ERGIC1: variants seen among roughly 807,000 people sequenced by gnomAD.
The protein encoded by ERGIC1 is endoplasmic reticulum-Golgi intermediate compartment protein 1.
Under a neutral mutation model 38.3 loss-of-function variants are expected in ERGIC1, and 19 were observed. The observed-to-expected ratio is 0.50, with a 90% CI of 0.35 to 0.73. The LOEUF is 0.73. Ranked by LOEUF, ERGIC1 falls within the 30% of genes least tolerant of loss-of-function variation. The pLI, the probability that ERGIC1 is intolerant of heterozygous loss-of-function variation, is 0.01. For synonymous variants in ERGIC1, 124 were observed against 157.6 expected, an observed-to-expected ratio of 0.79 and a Z score of 1.60; for missense variants, 294 against 389.2, an observed-to-expected ratio of 0.76 and a Z score of 2.06.
chr5:172,855,362 A>G (rs1443759563), intron 1 of ERGIC1, among the ~76,000 whole-genome samples: 1 of 152,132 alleles, frequency 6.6e-6, no homozygotes, highest in Non-Finnish European at 1.5e-5. Context: ...TTCTGCTGAG[A>G]TGGTCTCGGG....
intron 8 of ERGIC1, chr5:172,934,839 A>G (rs1483941639): frequency 3.1e-6 from 1 of 318,938 alleles, no homozygotes; most frequent in Non-Finnish European, 6.2e-6. Flanking sequence ...TTGTTGAATA[A>G]ATGAATGGAT....
At chr5:172,875,682 C>T (rs1457700505) in intron 1 of ERGIC1, among the ~76,000 whole-genome samples, 2 of 152,150 alleles carry the variant, frequency 1.3e-5, no homozygotes, top group Non-Finnish European at 2.9e-5. Context: ...AAAGCTCAAA[C>T]TCCTGTGCTC....
At chr5:172,931,384 C>G (rs1763772194) in intron 7 of ERGIC1, among the ~76,000 whole-genome samples, 1 of 152,204 alleles carries the variant, frequency 6.6e-6, no homozygotes, top group South Asian at 2.1e-4. Context: ...TCCGTTCATT[C>G]ATTCAGTAAG....
At chr5:172,949,412 C>G (rs1764185452) in intron 9 of ERGIC1, among the ~76,000 whole-genome samples, 1 of 152,168 alleles carries the variant, frequency 6.6e-6, no homozygotes, top group African/African-American at 2.4e-5. Context: ...TAGGGTTGAG[C>G]TGGGGATTCA....
intron 1 of ERGIC1, among the ~76,000 whole-genome samples, chr5:172,865,847 A>G (rs1761847480): frequency 6.6e-6 from 1 of 151,960 alleles, no homozygotes; most frequent in African/African-American, 2.4e-5. Context: ...CTTATTTTTT[A>G]TTTCATAGAC....
rs892209041 is a variant in ERGIC1 at position 172,926,457 on chromosome 5, C to A, written c.481-52C>A. The A allele has an allele frequency of 2.5e-6, 4 of 1,606,074 alleles. No homozygotes were observed. Among genetic ancestry groups the A allele is most frequent in the Admixed American group, 1.7e-5 (1 of 59,970 alleles). On this transcript the variant is annotated intron_variant, in intron 6 of 9. Transcript: ENST00000393784. The surrounding 1 kb of genome is among the most constrained non-coding windows in gnomAD (Gnocchi z 5.2). ...GCCATCCCCCACAACCAGGGCCAGG[C>A]CTGGAGGTGGAGGTGTCCTGGGGAC...
rs70984920 is a variant in ERGIC1, at chr5:172,909,168, C to CTTTTTTTT, written c.156-488_156-481dup. Among the ~76,000 whole-genome samples the CTTTTTTTT allele has an allele frequency of 4.1e-4, 33 of 80,866 alleles. 6 individuals are homozygous for CTTTTTTTT. The highest frequency in any genetic ancestry group is 1.0e-3 in the South Asian group (2 of 1,952). The allele number at this position is 80,866 out of a possible 152,430, so 53.1% of individuals were successfully genotyped here. ...CTTTCCTGAGCCCCAGCCCTCCCCTCTTTTTTTTTTTTTTTTTTGAGACGG... is the reference window on the plus strand; with the variant it reads ...CTTTCCTGAGCCCCAGCCCTCCCCTCTTTTTTTTTTTTTTTTTTTTTTTTTTGAGACGG... On this transcript the variant is annotated intron_variant, in intron 3 of 9. Transcript: ENST00000393784.
chr5:172,886,778 G>A (rs755217835), intron 1 of ERGIC1, among the ~76,000 whole-genome samples: 11 of 152,230 alleles, frequency 7.2e-5, no homozygotes, highest in African/African-American at 2.2e-4. Flanking sequence ...GTTAAGTGAC[G>A]GTCCCAGGGT....
chr5:172,899,825 A>G (rs1762824858), intron 3 of ERGIC1, among the ~76,000 whole-genome samples: 1 of 152,252 alleles, frequency 6.6e-6, no homozygotes, highest in Admixed American at 6.5e-5. Context: ...AGATGGCTGC[A>G]GGTACATGAT....
At chr5:172,893,905 A>ATATATATATATGTGTGTGTGTGTG (rs1173039695) in intron 2 of ERGIC1, among the ~76,000 whole-genome samples, 2 of 15,542 alleles carry the variant, frequency 1.3e-4, no homozygotes, top group Non-Finnish European at 4.2e-4. Context: ...ATATATATAT[A>ATATATATATATGTGTGTGTGTGTG]TGTGTGTGTG....
chr5:172,922,701 C>T (rs1046114206), intron 5 of ERGIC1, among the ~76,000 whole-genome samples: 1 of 152,208 alleles, frequency 6.6e-6, no homozygotes, highest in African/African-American at 2.4e-5. Context: ...GGTGGGGACA[C>T]GATGCTTGGC....
intron 1 of ERGIC1, among the ~76,000 whole-genome samples, chr5:172,864,985 A>G (rs1761816644): frequency 6.6e-6 from 1 of 151,672 alleles, no homozygotes; most frequent in African/African-American, 2.4e-5. Flanking sequence ...AGCCTTGCTC[A>G]ACGCTCTTCC....
intron 9 of ERGIC1, among the ~76,000 whole-genome samples, chr5:172,940,453 C>G (rs989232595): frequency 6.6e-6 from 1 of 152,202 alleles, no homozygotes; most frequent in African/African-American, 2.4e-5. Context: ...GTGCCACTTG[C>G]TGTAGCTCCC....
chr5:172,911,588 G>T (rs943184321), intron 4 of ERGIC1, among the ~76,000 whole-genome samples: 3 of 151,926 alleles, frequency 2.0e-5, no homozygotes, highest in East Asian at 1.9e-4. Context: ...AGGAAAAAAC[G>T]CATGCTCATC....
intron 1 of ERGIC1, among the ~76,000 whole-genome samples, chr5:172,841,216 A>G (rs1418894764): frequency 6.6e-6 from 1 of 152,080 alleles, no homozygotes; most frequent in Admixed American, 6.5e-5. Context: ...AAAACCTCCA[A>G]CGCTGGCTGT....
chr5:172,949,405 G>A (rs1044762861), intron 9 of ERGIC1, among the ~76,000 whole-genome samples: 1 of 152,150 alleles, frequency 6.6e-6, no homozygotes, highest in Non-Finnish European at 1.5e-5. Flanking sequence ...TACTGCCTAG[G>A]GTTGAGCTGG....
chr5:172,949,133 G>C (rs1764179955), intron 9 of ERGIC1, among the ~76,000 whole-genome samples: 1 of 152,196 alleles, frequency 6.6e-6, no homozygotes, highest in Non-Finnish European at 1.5e-5. Context: ...GAAGTCATCA[G>C]AAGGCAATTT....
At position 172,834,673 on chromosome 5, in the gene ERGIC1, C is replaced by T. The variant is rs917680387; in HGVS notation, c.20+240C>T. Among the ~76,000 whole-genome samples, 2 of 151,860 alleles carry T rather than the reference C, an allele frequency of 1.3e-5. No individual in the cohort carries two copies. The highest frequency in any genetic ancestry group is 4.8e-5 in the African/African-American group (2 of 41,348). On this transcript the variant is annotated intron_variant, in intron 1 of 9. Coordinates refer to ENST00000393784, the MANE Select transcript of ERGIC1 (RefSeq NM_001031711.3). The surrounding 1 kb of genome is among the most constrained non-coding windows in gnomAD (Gnocchi z 4.1). ...CCACCCACCTTCCCTCCGCCGAGCC[C>T]CCTCCCCAGCCTGCCCGGATACCTT... is the stretch of plus-strand genomic sequence containing the variant.
chr5:172,872,598 TGAGGCCAGGAGTTCGA>T (rs1159483196), intron 1 of ERGIC1, among the ~76,000 whole-genome samples: 2 of 152,072 alleles, frequency 1.3e-5, no homozygotes, highest in African/African-American at 4.8e-5. Flanking sequence ...GTGGATCACT[TGAGGCCAGGAGTTCGA>T]GACCAGCCTG....
Sources: gnomAD v4.1 joint callset for allele counts (sites outside exome capture counted in the v4.1 genomes callset) on GRCh38, gnomAD v4.1.1 for gene constraint, Gnocchi (gnomAD v3.1) non-coding constraint, MANE v1.5 for transcripts, NCBI Gene and HGNC (gene_info 2026-07-23, HGNC 2026-07-21) for gene names.